Variants in MAP4K5 observed in about 807,000 individuals in gnomAD.
MAP4K5 encodes MAPK/ERK kinase kinase kinase 5.
A neutral mutation model predicts 135.6 loss-of-function variants in MAP4K5; 82 were observed. The observed-to-expected ratio is 0.60, with a 90% confidence interval of 0.51 to 0.73. The LOEUF is 0.73. Among genes scored for constraint, MAP4K5 ranks in the 30% least tolerant of loss-of-function variants. The pLI, the probability that MAP4K5 is intolerant of heterozygous loss-of-function variation, is 0.00. For missense variants in MAP4K5, 907 were observed against 1,010.9 expected, an observed-to-expected ratio of 0.90 and a Z score of 1.39; for synonymous variants, 347 against 335.0, an observed-to-expected ratio of 1.04 and a Z score of -0.39.
At chr14:50,444,975 T>C in intron 18 of MAP4K5, 66 bp downstream of exon 18, 4 of 1,490,632 alleles carry the variant, frequency 2.7e-6, no homozygotes, top group Non-Finnish European at 3.6e-6. Context: ...TTCACTTTGA[T>C]TTATTCACCC....
intron 10 of MAP4K5, among the ~76,000 whole-genome samples, chr14:50,467,948 T>C (rs2036868999): frequency 6.6e-6 from 1 of 152,126 alleles, no homozygotes; most frequent in African/African-American, 2.4e-5. Flanking sequence ...ACTTTCACCA[T>C]TCTGTTAATT....
chr14:50,515,092 C>T (rs760416979), intron 2 of MAP4K5, among the ~76,000 whole-genome samples: 16 of 151,950 alleles, frequency 1.1e-4, no homozygotes, highest in African/African-American at 3.6e-4. Flanking sequence ...TTAGTACAGA[C>T]GAGGTTTCAC....
At chr14:50,453,658 C>G (rs1039664014) in intron 14 of MAP4K5, among the ~76,000 whole-genome samples, 1 of 152,118 alleles carries the variant, frequency 6.6e-6, no homozygotes, top group African/African-American at 2.4e-5. Flanking sequence ...TTTCTGAACA[C>G]AACACTTCAA....
chr14:50,442,713 T>C lies in MAP4K5; in HGVS notation c.1564+19A>G. On this transcript the variant is annotated intron_variant, in intron 21 of 32. Transcript: ENST00000682126. The stretch of plus-strand genomic sequence containing the variant: ...ATAAATATTTTATTGGAGATGTATA[T>C]AAAATTCAAACATTTTACCTTTTGT... The C allele has an allele frequency of 6.8e-7, 1 of 1,462,156 alleles. No individual in the cohort carries two copies. The highest frequency in any genetic ancestry group is 9.4e-7 in the Non-Finnish European group (1 of 1,058,560). The allele number at this position is 1,462,156 out of a possible 1,614,324, so 90.6% of individuals were successfully genotyped here.
chr14:50,424,507 C>T (rs1165141058), intron 31 of MAP4K5, among the ~76,000 whole-genome samples: 2 of 151,844 alleles, frequency 1.3e-5, no homozygotes, highest in East Asian at 1.9e-4. Context: ...GTCAGAAGTT[C>T]GAGACCAGCC....
rs142091592 is a variant in MAP4K5 at position 50,493,246 on chromosome 14, T to C, written c.167-7052A>G. On this transcript the variant is annotated intron_variant, in intron 3 of 32. Coordinates refer to ENST00000682126, the MANE Select transcript of MAP4K5 (RefSeq NM_006575.6). Reference sequence around the variant, plus strand: ...TCCCAGGTAGCTGGGACTACAGGTATATGCTGCCATATCCGGCTAATATTT... The same window carrying C: ...TCCCAGGTAGCTGGGACTACAGGTACATGCTGCCATATCCGGCTAATATTT... Among the ~76,000 whole-genome samples the C allele has an allele frequency of 1.4e-4, 22 of 152,172 alleles. No homozygotes were observed. The East Asian group carries it at 4.1e-3, about 28-fold the overall frequency.
At chr14:50,481,664 T>C (rs1250558301) in intron 6 of MAP4K5, among the ~76,000 whole-genome samples, 2 of 152,144 alleles carry the variant, frequency 1.3e-5, no homozygotes, top group South Asian at 4.1e-4. Flanking sequence ...GTGAGTAGTC[T>C]TTCAGGGCAC....
At chr14:50,454,900 G>A (rs2036567148) in intron 14 of MAP4K5, among the ~76,000 whole-genome samples, 1 of 151,982 alleles carries the variant, frequency 6.6e-6, no homozygotes, top group Non-Finnish European at 1.5e-5. Context: ...AGGTACATAT[G>A]TGTGTGTTGT....
intron 1 of MAP4K5, among the ~76,000 whole-genome samples, chr14:50,555,335 G>T (rs1315294466): frequency 6.6e-6 from 1 of 152,226 alleles, no homozygotes; most frequent in African/African-American, 2.4e-5. Flanking sequence ...AGGCTGGAGT[G>T]CAGTGGCGTG....
At chr14:50,492,591 CAAAAA>C (rs11312204) in intron 3 of MAP4K5, among the ~76,000 whole-genome samples, 2 of 121,794 alleles carry the variant, frequency 1.6e-5, no homozygotes, top group Non-Finnish European at 3.5e-5. Context: ...GACCCCATCT[CAAAAA>C]AAAAAAAAAA....
At chr14:50,436,535 G>A (rs2036097270) in intron 26 of MAP4K5, among the ~76,000 whole-genome samples, 1 of 150,852 alleles carries the variant, frequency 6.6e-6, no homozygotes, top group Admixed American at 6.6e-5. Flanking sequence ...GATCAGCAAG[G>A]TGGTCAATCA....
At chr14:50,470,104 T>G (rs575839077) in intron 9 of MAP4K5, among the ~76,000 whole-genome samples, 1 of 152,282 alleles carries the variant, frequency 6.6e-6, no homozygotes, top group African/African-American at 2.4e-5. Flanking sequence ...GAGGCTGAGG[T>G]GGAGCCCAGA....
chr14:50,429,373 CAG>C, intron 28 of MAP4K5, 113 bp from the exon 29 acceptor site: 1 of 632,130 alleles, frequency 1.6e-6, no homozygotes, highest in Non-Finnish European at 2.7e-6. Context: ...AAATTTAACA[CAG>C]AATTTATATT....
rs1162791426 is a variant in MAP4K5 at position 50,483,287 on chromosome 14, T to C, written c.323-871A>G. Reference sequence around the variant, plus strand: ...TTGGCAACCAGATCTCTCCCTAATATGAAATATAAAATTCTACTTATTTCA... The same window carrying C: ...TTGGCAACCAGATCTCTCCCTAATACGAAATATAAAATTCTACTTATTTCA... On this transcript the variant is annotated intron_variant, in intron 5 of 32. Transcript: ENST00000682126. 4 of 152,262 alleles carry C rather than the reference T, an allele frequency of 2.6e-5. No individual in the cohort carries two copies. The East Asian group carries it at 5.8e-4, about 22-fold the overall frequency. 9.4% of individuals were successfully genotyped at this position (152,262 alleles called of 1,614,324 possible).
chr14:50,531,778 T>A (rs568668048), intron 2 of MAP4K5, among the ~76,000 whole-genome samples, 164 bp downstream of exon 2: 1 of 152,296 alleles, frequency 6.6e-6, no homozygotes, highest in East Asian at 1.9e-4. Flanking sequence ...GAACAAGCCA[T>A]GAGTCGAGGG....
chr14:50,480,023 T>A (rs546192301), intron 6 of MAP4K5, among the ~76,000 whole-genome samples: 1 of 152,212 alleles, frequency 6.6e-6, no homozygotes, highest in Non-Finnish European at 1.5e-5. Context: ...GCCTACTTTA[T>A]TTGATTGTTT....
intron 3 of MAP4K5, among the ~76,000 whole-genome samples, chr14:50,487,312 C>T (rs1452199597): frequency 6.6e-6 from 1 of 152,038 alleles, no homozygotes; most frequent in Non-Finnish European, 1.5e-5. Context: ...ACCTCAAAAA[C>T]AAAACAAAAC....
intron 2 of MAP4K5, among the ~76,000 whole-genome samples, chr14:50,518,315 TGCA>T (rs888901840): frequency 2.0e-5 from 3 of 152,142 alleles, no homozygotes; most frequent in Non-Finnish European, 4.4e-5. Context: ...CAGAAGAATG[TGCA>T]GGTTTGTTAC....
intron 13 of MAP4K5, among the ~76,000 whole-genome samples, chr14:50,458,700 T>G (rs1009055736): frequency 1.3e-5 from 2 of 152,236 alleles, no homozygotes; most frequent in African/African-American, 4.8e-5. Context: ...TGCTAGGCTC[T>G]CTTCTCATTC....
Sources: gnomAD v4.1 joint callset for allele counts (sites outside exome capture counted in the v4.1 genomes callset) on GRCh38, gnomAD v4.1.1 for gene constraint, MANE v1.5 for transcripts, NCBI Gene and HGNC (gene_info 2026-07-23, HGNC 2026-07-21) for gene names.